ZFYVE26: variants seen among roughly 807,000 people sequenced by gnomAD.
The protein encoded by ZFYVE26 is zinc finger FYVE-type containing 26, also known as zinc finger FYVE domain-containing protein 26.
ZFYVE26 carries 181 observed loss-of-function variants against 276.5 expected under a neutral mutation model. That is an observed-to-expected ratio of 0.65 (90% CI 0.58 to 0.74). ZFYVE26 has a LOEUF of 0.74. Ranked by LOEUF, ZFYVE26 falls within the 30% of genes least tolerant of loss-of-function variation. ZFYVE26 has a pLI of 0.00. For synonymous variants in ZFYVE26, 1,129 were observed against 1,203.1 expected, an observed-to-expected ratio of 0.94 and a Z score of 1.27; for missense variants, 2,821 against 3,097.9, an observed-to-expected ratio of 0.91 and a Z score of 2.12.
At chr14:67,744,007 A>G (rs2038451434), downstream of ZFYVE26, among the ~76,000 whole-genome samples, 1 of 152,252 alleles carries the variant, frequency 6.6e-6, no homozygotes, top group Non-Finnish European at 1.5e-5. Context: ...CAAAGAAGCC[A>G]TTCAGTGACC....
chr14:67,811,073 T>C (rs1238942781), intron 3 of ZFYVE26, among the ~76,000 whole-genome samples: 15 of 152,212 alleles, frequency 9.9e-5, no homozygotes, highest in Non-Finnish European at 1.6e-4. Context: ...TGTGAATGCT[T>C]GTATAATGCC....
chr14:67,807,375 G>A, intron 5 of ZFYVE26, 23 bp downstream of exon 5: 1 of 1,613,742 alleles, frequency 6.2e-7, no homozygotes, highest in Non-Finnish European at 8.5e-7. Context: ...GAAACTAAAG[G>A]AGCAGCAGCA....
intron 27 of ZFYVE26, among the ~76,000 whole-genome samples, chr14:67,772,494 G>A (rs1437037855): frequency 1.3e-5 from 2 of 152,152 alleles, no homozygotes; most frequent in African/African-American, 4.8e-5. Flanking sequence ...GGAAATTCTG[G>A]GGATGAAGAC....
At chr14:67,761,263 A>G (rs2038919641) in intron 35 of ZFYVE26, 103 bp downstream of exon 35, 1 of 1,092,956 alleles carries the variant, frequency 9.1e-7, no homozygotes, top group Non-Finnish European at 1.4e-6. Context: ...ATAGCTCAAC[A>G]CAGGGTTAAG....
At chr14:67,785,510 T>C (rs539265365) in intron 18 of ZFYVE26, among the ~76,000 whole-genome samples, 2 of 152,314 alleles carry the variant, frequency 1.3e-5, no homozygotes, top group East Asian at 3.9e-4. Context: ...CTCTGGTGTG[T>C]ATAGTTCTAT....
rs564474436 is a variant in ZFYVE26 at position 67,733,860 on chromosome 14, G to C, written n.2680-4041C>G. On this transcript the variant is annotated intron_variant and non_coding_transcript_variant, in intron 13 of 14. Coordinates refer to the ZFYVE26 transcript ENST00000394455. ...TCCGGTGGGAGTAGCTGGTGGAAGA[G>C]CTGCAGCTTTATCAGGCCCAATCCA... is the stretch of plus-strand genomic sequence containing the variant. The C allele has an allele frequency of 6.3e-6, 10 of 1,590,422 alleles. No individual in the cohort carries two copies. In the Admixed American group the frequency reaches 1.5e-4, roughly 24 times the overall value.
rs562933336 is a variant in ZFYVE26, at chr14:67,781,681, C to T, written c.4373-152G>A. 1.6e-5 allele frequency: 11 copies of T among 708,526 alleles called. No homozygotes were observed. In the South Asian group the frequency reaches 1.7e-4, roughly 11 times the overall value. 43.9% of individuals were successfully genotyped at this position (708,526 alleles called of 1,614,324 possible). On this transcript the variant is annotated intron_variant, in intron 21 of 41. Transcript: ENST00000347230. ...TGGATGTGATCTTAACTAGTTTTTA[C>T]ACTTGGAACCATTATATGACAAGGA...
rs965383373 is a variant in ZFYVE26, at chr14:67,798,982, AT to A, written c.1640-361del. The A allele has an allele frequency of 1.1e-4, 123 of 1,132,954 alleles. No individual in the cohort carries two copies. The African/African-American group carries it at 1.5e-3, about 14-fold the overall frequency. The allele number at this position is 1,132,954 out of a possible 1,614,324, so 70.2% of individuals were successfully genotyped here. On this transcript the variant is annotated intron_variant, in intron 10 of 41. Coordinates refer to ENST00000347230, the MANE Select transcript of ZFYVE26 (RefSeq NM_015346.4). ...GGTTTCGGTGGGAGGGGCGGGGGTG[AT>A]TTACGGATACTCTCTGCCCTCAGAT...
At chr14:67,765,779 T>C (rs1055628362) in intron 32 of ZFYVE26, among the ~76,000 whole-genome samples, 2 of 152,200 alleles carry the variant, frequency 1.3e-5, no homozygotes, top group Non-Finnish European at 2.9e-5. Context: ...TTTTAAAATC[T>C]ATTATCCAGA....
rs772855517 is a variant in ZFYVE26, at chr14:67,769,631, G to A, written c.5584C>T (p.Arg1862Cys). 141 of 1,613,808 alleles carry A rather than the reference G, an allele frequency of 8.7e-5. No homozygotes were observed. The highest frequency in any genetic ancestry group is 1.1e-4 in the Non-Finnish European group (133 of 1,179,904). Residue 1862 changes from arginine to cysteine, a missense_variant, in exon 29 of 42, where the codon CGT becomes TGT. By Grantham distance (180) the Arg-to-Cys change is radical. Coordinates refer to ENST00000347230, the MANE Select transcript of ZFYVE26 (RefSeq NM_015346.4). ...TAACTATAGCACTGATCACACACAC[G>A]AGCAGGGTTCTCTCTGCAGCCTTCA... is the stretch of plus-strand genomic sequence containing the variant. ...VVEGCRENPA[R>C]VCDQCYSYCN... is the part of the protein sequence containing the mutation.
intron 39 of ZFYVE26, among the ~76,000 whole-genome samples, chr14:67,753,461 G>C (rs934980148): frequency 1.3e-5 from 2 of 152,222 alleles, no homozygotes; most frequent in African/African-American, 4.8e-5. Context: ...AACTGTCTGA[G>C]ACCTGGCTCC....
intron 13 of ZFYVE26, among the ~76,000 whole-genome samples, chr14:67,736,297 T>C (rs2038351467): frequency 6.6e-6 from 1 of 152,254 alleles, no homozygotes; most frequent in Non-Finnish European, 1.5e-5. Context: ...TAGTTGGGTA[T>C]TGGGTATTGA....
intron 21 of ZFYVE26, among the ~76,000 whole-genome samples, chr14:67,782,341 C>T (rs1369986550): frequency 6.6e-6 from 1 of 152,172 alleles, no homozygotes; most frequent in Non-Finnish European, 1.5e-5. Flanking sequence ...TATATATTGA[C>T]TCTGGCTGCT....
At chr14:67,786,616 C>G (rs960184484) in intron 16 of ZFYVE26, among the ~76,000 whole-genome samples, 6 of 152,238 alleles carry the variant, frequency 3.9e-5, no homozygotes, top group Non-Finnish European at 7.3e-5. Context: ...CTATGAACAA[C>G]TTTATGGACA....
intron 3 of ZFYVE26, among the ~76,000 whole-genome samples, chr14:67,811,949 C>A: frequency 7.0e-6 from 1 of 142,044 alleles, no homozygotes. Flanking sequence ...AAATATATTA[C>A]ATATAACATA....
At chr14:67,807,944 A>ATGGG (rs749147917) in intron 4 of ZFYVE26, 24 bp from the exon 5 acceptor site, 2 of 1,613,918 alleles carry the variant, frequency 1.2e-6, no homozygotes, top group African/African-American at 2.7e-5. Flanking sequence ...GAAGAAAAGG[A>ATGGG]TGGGTGGTGG....
At position 67,756,130 on chromosome 14, in the gene ZFYVE26, C is replaced by A. The variant is rs765284631; in HGVS notation, c.6604G>T (p.Val2202Phe). 3.7e-6 allele frequency: 6 copies of A among 1,614,126 alleles called. No individual in the cohort carries two copies. The South Asian group carries it at 6.6e-5, about 18-fold the overall frequency. ...HLLNKESPPE[V>F]FIEGIFQPSY... ...GGTTGGAAAATGCCTTCTATAAAAA[C>A]TTCTGGAGGACTCTCCTGGAGCAGG... Residue 2202 changes from valine to phenylalanine, a missense_variant, in exon 36 of 42, where the codon GTT (valine) becomes TTT (phenylalanine). Transcript: ENST00000347230.
chr14:67,814,593 C>A (rs994385823), intron 2 of ZFYVE26, among the ~76,000 whole-genome samples: 1 of 152,048 alleles, frequency 6.6e-6, no homozygotes, highest in East Asian at 1.9e-4. Flanking sequence ...TCATAAAAAG[C>A]CTTAATCTCA....
chr14:67,780,489 T>C (rs1345124153), intron 22 of ZFYVE26, 144 bp from the exon 23 acceptor site: 10 of 752,630 alleles, frequency 1.3e-5, no homozygotes, highest in South Asian at 7.4e-5. Flanking sequence ...AGAGAGCAAA[T>C]TGGGCAAAGA....
Sources: allele counts gnomAD v4.1 joint callset (sites outside exome capture counted in the v4.1 genomes callset), GRCh38; gene constraint gnomAD v4.1.1; transcripts MANE v1.5; gene names NCBI Gene and HGNC (gene_info 2026-07-23, HGNC 2026-07-21).